The following PDS5A variants were observed in gnomAD, a reference collection of about 807,000 sequenced individuals.
PDS5A encodes the protein sister chromatid cohesion protein PDS5 homolog A.
In PDS5A, 42 loss-of-function variants were observed where a neutral mutation model predicts 167.1. That is an observed-to-expected ratio of 0.25 (90% CI 0.20 to 0.33). PDS5A has a LOEUF of 0.33. PDS5A is among the 10% of genes least tolerant of loss of function. PDS5A has a pLI of 1.00. For synonymous variants in PDS5A, 553 were observed against 554.6 expected, an observed-to-expected ratio of 1.00 and a Z score of 0.04; for missense variants, 1,033 against 1,605.9, an observed-to-expected ratio of 0.64 and a Z score of 6.10.
intron 9 of PDS5A, among the ~76,000 whole-genome samples, chr4:39,911,129 A>G (rs1723847644): frequency 6.6e-6 from 1 of 152,098 alleles, no homozygotes; most frequent in Non-Finnish European, 1.5e-5. Context: ...CCCTGTCTCA[A>G]AACAAAACAA....
chr4:39,949,139 C>CAA (rs77603241), intron 2 of PDS5A, among the ~76,000 whole-genome samples: 41 of 140,732 alleles, frequency 2.9e-4, no homozygotes, highest in Middle Eastern at 3.7e-3. Context: ...CAAAAAACAC[C>CAA]AAAAAAAAAA....
At chr4:39,842,888 C>A in intron 30 of PDS5A, among the ~76,000 whole-genome samples, 3 of 88,198 alleles carry the variant, frequency 3.4e-5, no homozygotes, top group African/African-American at 1.0e-4. Context: ...AATGTTAGAA[C>A]AATGTAAACT....
intron 12 of PDS5A, among the ~76,000 whole-genome samples, chr4:39,902,997 T>C (rs983651913): frequency 2.0e-5 from 3 of 152,232 alleles, no homozygotes; most frequent in African/African-American, 7.2e-5. Flanking sequence ...TTTGTCAGTA[T>C]GAAACATTTG....
chr4:39,886,726 ATTTTT>A (rs1011123867), intron 17 of PDS5A, among the ~76,000 whole-genome samples: 3 of 151,068 alleles, frequency 2.0e-5, no homozygotes, highest in African/African-American at 7.3e-5. Context: ...AAAAAAAAAA[ATTTTT>A]TTTTAATTTT....
intron 2 of PDS5A, among the ~76,000 whole-genome samples, chr4:39,940,014 T>C (rs921259212): frequency 6.6e-6 from 1 of 151,852 alleles, no homozygotes; most frequent in Admixed American, 6.6e-5. Context: ...TCCCAGCACT[T>C]TGGGAGGCCG....
intron 2 of PDS5A, among the ~76,000 whole-genome samples, chr4:39,941,745 G>A (rs759157800): frequency 6.6e-6 from 1 of 152,152 alleles, no homozygotes; most frequent in Non-Finnish European, 1.5e-5. Context: ...ATTGCACCTA[G>A]ATGGTAAATT....
At position 39,931,238 on chromosome 4, in the gene PDS5A, G is replaced by A. The variant is rs564981268; in HGVS notation, c.139-3074C>T. On this transcript the variant is annotated intron_variant, in intron 2 of 32. Transcript: ENST00000303538. ...CTGAGCAGCTGATACTACAGCACAC[G>A]CCACCACACCTGGCTAGGTTTTGTA... Among the ~76,000 whole-genome samples, 7 of 150,968 alleles carry A rather than the reference G, an allele frequency of 4.6e-5. No homozygotes were observed. In the South Asian group the frequency reaches 8.4e-4, roughly 18 times the overall value.
At chr4:39,889,524 G>A (rs1721787027) in intron 17 of PDS5A, among the ~76,000 whole-genome samples, 1 of 152,196 alleles carries the variant, frequency 6.6e-6, no homozygotes, top group Non-Finnish European at 1.5e-5. Flanking sequence ...ACCAACAAGT[G>A]CTGCATAGTA....
intron 32 of PDS5A, among the ~76,000 whole-genome samples, chr4:39,828,949 G>C (rs1715563816): frequency 6.6e-6 from 1 of 152,188 alleles, no homozygotes; most frequent in African/African-American, 2.4e-5. Context: ...TTAGAATGCA[G>C]GGCCACAGAG....
intron 2 of PDS5A, among the ~76,000 whole-genome samples, chr4:39,928,825 T>TAA (rs201886708): frequency 0.053 from 7,365 of 139,328 alleles, 291 homozygotes; most frequent in East Asian, 0.23. Flanking sequence ...ACACTGTCTT[T>TAA]AAAAAAAAAA....
chr4:39,969,958 ATCT>A (rs1268838220), intron 2 of PDS5A, among the ~76,000 whole-genome samples: 95 of 87,976 alleles, frequency 1.1e-3, no homozygotes, highest in African/African-American at 2.9e-3. Context: ...GTAATGTAGA[ATCT>A]TTTTTTTTTT....
intron 2 of PDS5A, among the ~76,000 whole-genome samples, chr4:39,930,246 A>AAAAAAAAAAAAAATATTTTTT: frequency 1.1e-5 from 1 of 93,090 alleles, no homozygotes; most frequent in South Asian, 4.4e-4. Flanking sequence ...AAAAAAAAAA[A>AAAAAAAAAAAAAATATTTTTT]GTTTTTTTGT....
At chr4:39,894,414 A>AC (rs1311655902) in intron 16 of PDS5A, among the ~76,000 whole-genome samples, 9 of 152,052 alleles carry the variant, frequency 5.9e-5, no homozygotes, top group Non-Finnish European at 1.2e-4. Flanking sequence ...TCTCAAAAAA[A>AC]AAAGAAAAAA....
chr4:39,973,523 C>G, intron 2 of PDS5A: 1 of 1,339,304 alleles, frequency 7.5e-7, no homozygotes, highest in Non-Finnish European at 1.1e-6. Flanking sequence ...AAAGAGTTTT[C>G]TCCATTTGGT....
At chr4:39,917,610 T>C (rs908170379) in intron 7 of PDS5A, among the ~76,000 whole-genome samples, 5 of 152,242 alleles carry the variant, frequency 3.3e-5, no homozygotes, top group African/African-American at 1.2e-4. Context: ...AGTCTGGCTC[T>C]GTCACCCAGG....
intron 23 of PDS5A, among the ~76,000 whole-genome samples, chr4:39,863,785 A>G (rs1376142101): frequency 6.6e-6 from 1 of 152,218 alleles, no homozygotes; most frequent in Non-Finnish European, 1.5e-5. Context: ...AACTCTTTAC[A>G]TCAGGAGCTG....
chr4:39,825,212 T>G lies in PDS5A; in HGVS notation c.*273A>C. 1 of 347,606 alleles carries G rather than the reference T, an allele frequency of 2.9e-6. No individual in the cohort carries two copies. The allele number at this position is 347,606 out of a possible 1,614,324, so 21.5% of individuals were successfully genotyped here. Reference sequence around the variant, plus strand: ...GGAACCAAGTGTTAAGCAATTTGCTTAATTATTGACTTTTCGTAAGAAAAG... The same window carrying G: ...GGAACCAAGTGTTAAGCAATTTGCTGAATTATTGACTTTTCGTAAGAAAAG... On this transcript the variant is annotated 3_prime_UTR_variant, in exon 33 of 33. Coordinates refer to ENST00000303538, the MANE Select transcript of PDS5A (RefSeq NM_001100399.2).
chr4:39,873,625 G>A (rs1720234723), intron 20 of PDS5A, among the ~76,000 whole-genome samples: 2 of 152,108 alleles, frequency 1.3e-5, no homozygotes, highest in Non-Finnish European at 2.9e-5. Flanking sequence ...AGGGAAACAG[G>A]ATTAATTTTC....
chr4:39,908,301 C>T (rs191055151), intron 11 of PDS5A, 94 bp downstream of exon 11: 5 of 954,866 alleles, frequency 5.2e-6, no homozygotes, highest in African/African-American at 3.3e-5. Flanking sequence ...GATTTTCACA[C>T]AGAAAGACAT....
Sources: allele counts gnomAD v4.1 joint callset (sites outside exome capture counted in the v4.1 genomes callset), GRCh38; gene constraint gnomAD v4.1.1; transcripts MANE v1.5; gene names NCBI Gene and HGNC (gene_info 2026-07-23, HGNC 2026-07-21).